CDH13: variants seen among roughly 807,000 people sequenced by gnomAD.
CDH13 encodes cadherin-13.
CDH13 carries 24 observed loss-of-function variants against 63.8 expected under a neutral mutation model. The observed-to-expected ratio is 0.38, with a 90% CI of 0.27 to 0.53. CDH13 has a LOEUF of 0.53. CDH13 is among the 20% of genes least tolerant of loss of function. The pLI is 0.85. For missense variants in CDH13, 1,049 were observed against 903.1 expected (o/e 1.16, Z -2.07); for synonymous variants, 503 against 355.3 (o/e 1.42, Z -4.67).
intron 5 of CDH13, among the ~76,000 whole-genome samples, chr16:83,262,504 TACCGTG>T (rs1318958806): frequency 6.6e-6 from 1 of 152,216 alleles, no homozygotes; most frequent in Non-Finnish European, 1.5e-5. Flanking sequence ...TTTCTAATTA[TACCGTG>T]AGCCATTGGG....
intron 7 of CDH13, among the ~76,000 whole-genome samples, chr16:83,600,959 T>A (rs1474975028): frequency 6.6e-6 from 1 of 152,080 alleles, no homozygotes; most frequent in Non-Finnish European, 1.5e-5. Flanking sequence ...CCTCCTGTGG[T>A]CATGAGATGA....
At chr16:83,063,367 C>G (rs1160931453) in intron 3 of CDH13, among the ~76,000 whole-genome samples, 3 of 152,174 alleles carry the variant, frequency 2.0e-5, no homozygotes, top group Admixed American at 1.3e-4. Flanking sequence ...CCCCTGTGTT[C>G]TGTTCGTCAA....
intron 7 of CDH13, among the ~76,000 whole-genome samples, chr16:83,586,862 A>G (rs976146492): frequency 6.6e-5 from 10 of 152,186 alleles, no homozygotes; most frequent in African/African-American, 1.2e-4. Flanking sequence ...GCTGTGGTGT[A>G]ACTGGAATCC....
At chr16:83,266,093 C>T (rs1411954876) in intron 5 of CDH13, among the ~76,000 whole-genome samples, 6 of 152,006 alleles carry the variant, frequency 3.9e-5, no homozygotes, top group South Asian at 2.1e-4. Context: ...CCTGCCACCA[C>T]GTCCGGCTAA....
At chr16:82,788,253 G>T (rs2036119469) in intron 1 of CDH13, among the ~76,000 whole-genome samples, 1 of 152,156 alleles carries the variant, frequency 6.6e-6, no homozygotes, top group Non-Finnish European at 1.5e-5. Flanking sequence ...CAGCAGCCTT[G>T]ACTTGACATG....
At chr16:83,768,546 G>T (rs1914551302) in intron 11 of CDH13, among the ~76,000 whole-genome samples, 1 of 152,320 alleles carries the variant, frequency 6.6e-6, no homozygotes, top group East Asian at 1.9e-4. Context: ...TTCAGGGCTA[G>T]TCCACAGAGT....
intron 6 of CDH13, among the ~76,000 whole-genome samples, chr16:83,398,465 G>A (rs2091919643): frequency 6.6e-6 from 1 of 152,012 alleles, no homozygotes; most frequent in Admixed American, 6.6e-5. Flanking sequence ...TTGGATTTAG[G>A]ACCTTCCTAG....
intron 6 of CDH13, among the ~76,000 whole-genome samples, chr16:83,361,660 C>T (rs941135223): frequency 2.0e-5 from 3 of 152,096 alleles, no homozygotes; most frequent in Non-Finnish European, 4.4e-5. Context: ...ATCCAGGTAT[C>T]CAGAACCATT....
At chr16:83,008,425 G>A (rs550642991) in intron 2 of CDH13, among the ~76,000 whole-genome samples, 15 of 152,318 alleles carry the variant, frequency 9.8e-5, no homozygotes, top group South Asian at 4.1e-4. Flanking sequence ...GCCCTGAGGC[G>A]GAGAATGCCT....
intron 2 of CDH13, among the ~76,000 whole-genome samples, chr16:82,931,507 C>T (rs1024823167): frequency 2.2e-4 from 27 of 125,196 alleles, no homozygotes; most frequent in Non-Finnish European, 3.8e-4. Context: ...ACCTTGAGGT[C>T]CCCCCCTTTT....
intron 10 of CDH13, among the ~76,000 whole-genome samples, chr16:83,683,260 G>T (rs1296396096): frequency 1.3e-5 from 2 of 152,200 alleles, no homozygotes; most frequent in South Asian, 2.1e-4. Context: ...AGTGACAGAT[G>T]AAATTCTTCT....
chr16:83,782,992 T>C (rs1355890491), intron 12 of CDH13, among the ~76,000 whole-genome samples: 1 of 152,138 alleles, frequency 6.6e-6, no homozygotes, highest in Non-Finnish European at 1.5e-5. Flanking sequence ...AGAACTCTGG[T>C]GATGGAAACA....
At chr16:83,305,916 C>G (rs941708100) in intron 5 of CDH13, among the ~76,000 whole-genome samples, 10 of 152,204 alleles carry the variant, frequency 6.6e-5, no homozygotes, top group Non-Finnish European at 1.3e-4. Flanking sequence ...CAGTGCCTAA[C>G]TTGCAGGTTT....
intron 4 of CDH13, among the ~76,000 whole-genome samples, chr16:83,145,226 C>T (rs367545858): frequency 2.0e-4 from 30 of 152,270 alleles, no homozygotes; most frequent in African/African-American, 5.8e-4. Flanking sequence ...CCACCTTGGT[C>T]GCTGACAAAC....
chr16:83,589,282 C>CCCT (rs1555579637), intron 7 of CDH13, among the ~76,000 whole-genome samples: 2 of 124,604 alleles, frequency 1.6e-5, no homozygotes, highest in Non-Finnish European at 3.5e-5. Flanking sequence ...TCCCTTTCCC[C>CCCT]CCCCCGGACC....
intron 1 of CDH13, among the ~76,000 whole-genome samples, chr16:82,774,326 T>C (rs947427490): frequency 5.1e-4 from 26 of 50,792 alleles, no homozygotes; most frequent in Admixed American, 1.3e-3. Flanking sequence ...CAGTTCATTT[T>C]TTTTTTTTTT....
intron 1 of CDH13, among the ~76,000 whole-genome samples, chr16:82,694,558 C>T (rs2030025096): frequency 6.6e-6 from 1 of 152,108 alleles, no homozygotes; most frequent in South Asian, 2.1e-4. Context: ...CCCCTCCTTC[C>T]CTTCCTCCCA....
intron 7 of CDH13, among the ~76,000 whole-genome samples, chr16:83,559,371 A>G (rs1230740115): frequency 6.6e-6 from 1 of 152,124 alleles, no homozygotes; most frequent in African/African-American, 2.4e-5. Flanking sequence ...TGTGAGTTCA[A>G]GAGCAGCCTG....
At chr16:83,528,768 A>T (rs2075017503) in intron 7 of CDH13, among the ~76,000 whole-genome samples, 1 of 152,212 alleles carries the variant, frequency 6.6e-6, no homozygotes, top group Non-Finnish European at 1.5e-5. Flanking sequence ...TGTTGTTTTT[A>T]TTCTAATTTC....
Sources: gnomAD v4.1 joint callset for allele counts (sites outside exome capture counted in the v4.1 genomes callset) on GRCh38, gnomAD v4.1.1 for gene constraint, MANE v1.5 for transcripts, NCBI Gene and HGNC (gene_info 2026-07-23, HGNC 2026-07-21) for gene names.